Variants in PSMA1 observed in about 807,000 individuals in gnomAD.
PSMA1 encodes the protein proteasome 20S subunit alpha 1.
PSMA1 carries 3 observed loss-of-function variants against 38.4 expected under a neutral mutation model. That is an observed-to-expected ratio of 0.08 (90% confidence interval 0.04 to 0.20). PSMA1 has a LOEUF of 0.20. Ranked by LOEUF, PSMA1 falls within the 10% of genes least tolerant of loss-of-function variation. The pLI, the probability that PSMA1 is intolerant of heterozygous loss-of-function variation, is 1.00. For missense variants in PSMA1, 227 were observed against 325.3 expected, an observed-to-expected ratio of 0.70 and a Z score of 2.32; for synonymous variants, 101 against 107.1, an observed-to-expected ratio of 0.94 and a Z score of 0.35.
intron 4 of PSMA1, 140 bp downstream of exon 4, chr11:14,517,502 C>T: frequency 4.2e-6 from 3 of 708,048 alleles, no homozygotes; most frequent in Non-Finnish European, 6.8e-6. Flanking sequence ...ATAACAAACT[C>T]AAAACCACCA....
intron 2 of PSMA1, among the ~76,000 whole-genome samples, chr11:14,533,607 G>A (rs1034605944): frequency 1.3e-4 from 20 of 149,848 alleles, no homozygotes; most frequent in African/African-American, 3.9e-4. Context: ...TAATAGAAAC[G>A]GGGTCTCACT....
At position 14,591,672 on chromosome 11, in the gene PSMA1, T is replaced by C. The variant is rs193115192; in HGVS notation, c.21+19294A>G. Among the ~76,000 whole-genome samples, 8 of 152,258 alleles carry C rather than the reference T, an allele frequency of 5.3e-5. No individual in the cohort carries two copies. In the East Asian group the frequency reaches 1.5e-3, roughly 29 times the overall value. ...CTGCTCTGGGGCCTCGGAGAACCTG[T>C]GTGTCCATACTCTGTATCTAACTAA... On this transcript the variant is annotated intron_variant, in intron 2 of 10. Coordinates refer to the PSMA1 transcript ENST00000418988.
At chr11:14,605,849 T>C (rs553916099) in intron 2 of PSMA1, among the ~76,000 whole-genome samples, 1 of 152,346 alleles carries the variant, frequency 6.6e-6, no homozygotes, top group African/African-American at 2.4e-5. Flanking sequence ...ACTCTGTTGA[T>C]AGTTTCTTTT....
intron 2 of PSMA1, among the ~76,000 whole-genome samples, chr11:14,571,313 T>A (rs1852137523): frequency 6.6e-6 from 1 of 152,216 alleles, no homozygotes; most frequent in Non-Finnish European, 1.5e-5. Context: ...TCTGCCCGCC[T>A]TGGCCTCCCA....
At chr11:14,538,788 G>A (rs1166331114) in intron 2 of PSMA1, among the ~76,000 whole-genome samples, 2 of 152,234 alleles carry the variant, frequency 1.3e-5, no homozygotes, top group African/African-American at 4.8e-5. Context: ...GGTCTGTCCT[G>A]TGCCTACACC....
chr11:14,550,848 T>A (rs1384940405), intron 2 of PSMA1, among the ~76,000 whole-genome samples: 1 of 152,152 alleles, frequency 6.6e-6, no homozygotes, highest in Non-Finnish European at 1.5e-5. Flanking sequence ...TACACATATA[T>A]ATGTGAGGAA....
At chr11:14,507,275 T>A (rs538541382) in intron 9 of PSMA1, among the ~76,000 whole-genome samples, 2 of 152,120 alleles carry the variant, frequency 1.3e-5, no homozygotes, top group Admixed American at 1.3e-4. Context: ...TTCAAGCGAT[T>A]CTCCTGCCTC....
rs546875038 is a variant in PSMA1 at position 14,634,868 on chromosome 11, T to C, written c.-166+8587A>G. Among the ~76,000 whole-genome samples the C allele has an allele frequency of 2.6e-3, 391 of 152,324 alleles. 2 individuals carry two copies. The highest frequency in any genetic ancestry group is 4.6e-3 in the Non-Finnish European group (313 of 68,036). ...AGAGAAACTTACTGCACTGTGTACC[T>C]CTGGAAGAGTAAAGAGCTTGAGAGT... On this transcript the variant is annotated intron_variant, in intron 1 of 10. Coordinates refer to the PSMA1 transcript ENST00000418988.
At chr11:14,557,959 C>T (rs1447589835) in intron 2 of PSMA1, among the ~76,000 whole-genome samples, 2 of 152,152 alleles carry the variant, frequency 1.3e-5, no homozygotes, top group Non-Finnish European at 2.9e-5. Flanking sequence ...GTCCTTCTTT[C>T]AGCTTTCTCT....
chr11:14,525,644 C>T (rs955241712), intron 2 of PSMA1, among the ~76,000 whole-genome samples: 4 of 152,174 alleles, frequency 2.6e-5, no homozygotes, highest in African/African-American at 9.7e-5. Context: ...CTGTAGTGCG[C>T]AACCCGTACA....
chr11:14,609,473 C>T (rs1852682933), intron 2 of PSMA1, among the ~76,000 whole-genome samples: 1 of 151,942 alleles, frequency 6.6e-6, no homozygotes. Context: ...AAATATTTAA[C>T]ATATTAGTGA....
At chr11:14,509,937 A>G (rs976657797) in intron 8 of PSMA1, among the ~76,000 whole-genome samples, 5 of 150,234 alleles carry the variant, frequency 3.3e-5, no homozygotes, top group South Asian at 2.1e-4. Context: ...GTTAGCCAGG[A>G]TAGTCTTGAT....
At chr11:14,629,893 A>C (rs1466538160) in intron 1 of PSMA1, among the ~76,000 whole-genome samples, 2 of 152,082 alleles carry the variant, frequency 1.3e-5, no homozygotes, top group African/African-American at 2.4e-5. Flanking sequence ...CATCCCTTGT[A>C]AGTTGGATTG....
rs373081883 is a variant in PSMA1, at chr11:14,528,252, C to T, written c.22-9211G>A. Among the ~76,000 whole-genome samples, 163 of 151,122 alleles carry T rather than the reference C, an allele frequency of 1.1e-3. 1 individual carries two copies. Among genetic ancestry groups the T allele is most frequent in the African/African-American group, 3.8e-3 (159 of 41,330 alleles). ...GCCAAGCAAACAATAACGTTGAACC[C>T]CCTTGGACACTCTCTAATTGGACAT... On this transcript the variant is annotated intron_variant, in intron 2 of 10. Transcript: ENST00000418988.
At chr11:14,598,790 T>A (rs1354933676) in intron 2 of PSMA1, among the ~76,000 whole-genome samples, 2 of 151,646 alleles carry the variant, frequency 1.3e-5, no homozygotes, top group Admixed American at 1.3e-4. Flanking sequence ...CATTATGATG[T>A]TAGCTGGTTA....
intron 2 of PSMA1, among the ~76,000 whole-genome samples, chr11:14,553,545 T>C (rs553362705): frequency 6.6e-6 from 1 of 152,196 alleles, no homozygotes; most frequent in Admixed American, 6.5e-5. Flanking sequence ...ATTTTAGGAA[T>C]GTTAGATAAA....
At chr11:14,599,358 G>T (rs149043426) in intron 2 of PSMA1, among the ~76,000 whole-genome samples, 19 of 152,246 alleles carry the variant, frequency 1.2e-4, no homozygotes, top group African/African-American at 4.3e-4. Context: ...CATTCTCCCC[G>T]TCACTTTCAA....
chr11:14,564,789 T>A (rs1024929802), intron 2 of PSMA1, among the ~76,000 whole-genome samples: 3 of 151,806 alleles, frequency 2.0e-5, no homozygotes, highest in African/African-American at 7.3e-5. Context: ...TCTTTCTTTT[T>A]TTTTTTTTGA....
intron 1 of PSMA1, among the ~76,000 whole-genome samples, chr11:14,626,007 G>A (rs141165011): frequency 3.6e-4 from 55 of 152,202 alleles, no homozygotes; most frequent in African/African-American, 1.3e-3. Context: ...AATGTTGACT[G>A]TGTTCTATGA....
Sources: gnomAD v4.1 joint callset for allele counts (sites outside exome capture counted in the v4.1 genomes callset) on GRCh38, gnomAD v4.1.1 for gene constraint, MANE v1.5 for transcripts, NCBI Gene and HGNC (gene_info 2026-07-23, HGNC 2026-07-21) for gene names.